CDH6: variants seen among roughly 807,000 people sequenced by gnomAD.
CDH6 encodes the protein cadherin-6.
Under a neutral mutation model 78.0 loss-of-function variants are expected in CDH6, and 31 were observed. The ratio of observed to expected loss-of-function variants is 0.40; its 90% confidence interval spans 0.30 to 0.54. CDH6 has a LOEUF of 0.54. CDH6 is among the 20% of genes least tolerant of loss of function. The pLI, the probability that CDH6 is intolerant of heterozygous loss-of-function variation, is 0.56. For missense variants in CDH6, 724 were observed against 975.9 expected (o/e 0.74, Z 3.44); for synonymous variants, 376 against 368.8 (o/e 1.02, Z -0.23).
At chr5:31,213,590 A>G (rs1283802348) in intron 1 of CDH6, among the ~76,000 whole-genome samples, 2 of 152,188 alleles carry the variant, frequency 1.3e-5, no homozygotes, top group African/African-American at 4.8e-5. Flanking sequence ...TGTCTTTTTA[A>G]CAGCCTCTAA....
chr5:31,194,858 T>C (rs951546319), intron 1 of CDH6, among the ~76,000 whole-genome samples: 18 of 152,124 alleles, frequency 1.2e-4, no homozygotes, highest in Admixed American at 1.1e-3. Context: ...AGTTAGATAT[T>C]CTGTCATGAG....
At chr5:31,239,591 A>T (rs186943239) in intron 1 of CDH6, among the ~76,000 whole-genome samples, 1 of 152,370 alleles carries the variant, frequency 6.6e-6, no homozygotes. Flanking sequence ...AGTGGCTAAT[A>T]AAAGCAACTG....
rs763482229 is a variant in CDH6 at position 31,313,376 on chromosome 5, G to C, written c.1312G>C (p.Gly438Arg). The C allele has an allele frequency of 6.2e-7, 1 of 1,613,784 alleles. No individual in the cohort carries two copies. The highest frequency in any genetic ancestry group is 1.1e-5 in the South Asian group (1 of 91,068). ...DRIFNIDSGN[G>R]SIFTSKLLDR... is the part of the protein sequence containing the mutation. ...AATATTCAACATTGATTCTGGAAAT[G>C]GTTCGATTTTTACATCGAAACTTCT... Residue 438 changes from glycine (G) to arginine (R), a missense_variant, in exon 8 of 12, where the codon GGT becomes CGT. This residue lies in a region of CDH6 where 446 missense variants were observed against 684.5 expected (regional missense o/e 0.65). Coordinates refer to ENST00000265071, the MANE Select transcript of CDH6 (RefSeq NM_004932.4).
chr5:31,217,893 TA>T (rs1332346842), intron 1 of CDH6, among the ~76,000 whole-genome samples: 3 of 152,208 alleles, frequency 2.0e-5, no homozygotes, highest in African/African-American at 7.2e-5. Context: ...AAAACATTGT[TA>T]AATTGTTAAA....
chr5:31,216,678 G>T (rs1579823162), intron 1 of CDH6, among the ~76,000 whole-genome samples: 1 of 29,050 alleles, frequency 3.4e-5, no homozygotes, highest in Non-Finnish European at 7.8e-5. Flanking sequence ...AGCAAGCCCT[G>T]CCACCAAAAA....
At position 31,263,135 on chromosome 5, in the gene CDH6, TAGAA is replaced by T. The variant is rs1205022764; in HGVS notation, c.-128-4209_-128-4206del. On this transcript the variant is annotated intron_variant, in intron 1 of 11. Coordinates refer to ENST00000265071, the MANE Select transcript of CDH6 (RefSeq NM_004932.4). ...AAAAGGATTTTATTTCTTAAAGTTA[TAGAA>T]ACTAAGTGCAAGGTCGAGGTGCCAC... 5.9e-5 allele frequency among the ~76,000 whole-genome samples: 9 copies of T among 152,300 alleles called. No individual in the cohort carries two copies. The East Asian group carries it at 1.7e-3, about 29-fold the overall frequency.
intron 2 of CDH6, among the ~76,000 whole-genome samples, chr5:31,288,792 G>A (rs2149944403): frequency 6.6e-6 from 1 of 152,228 alleles, no homozygotes. Context: ...ATTTCTTAAA[G>A]AGCAACATTA....
chr5:31,217,447 C>G (rs981855226), intron 1 of CDH6, among the ~76,000 whole-genome samples: 4 of 152,088 alleles, frequency 2.6e-5, no homozygotes, highest in Non-Finnish European at 5.9e-5. Flanking sequence ...GGTTTAGTGG[C>G]CTACTAATGC....
intron 1 of CDH6, among the ~76,000 whole-genome samples, chr5:31,238,995 A>C (rs918637700): frequency 1.2e-4 from 19 of 152,376 alleles, no homozygotes; most frequent in African/African-American, 3.4e-4. Context: ...ACCAATGGCT[A>C]GAACAACCAT....
chr5:31,297,645 T>C (rs931237272), intron 4 of CDH6, among the ~76,000 whole-genome samples: 1 of 152,186 alleles, frequency 6.6e-6, no homozygotes. Flanking sequence ...TGTATTGCCT[T>C]AGTTTTCTTC....
chr5:31,311,995 A>C (rs1405222848), intron 7 of CDH6, among the ~76,000 whole-genome samples: 1 of 152,170 alleles, frequency 6.6e-6, no homozygotes, highest in Non-Finnish European at 1.5e-5. Flanking sequence ...TTGGTTTCCA[A>C]ATGCTTCTCT....
Position 31,323,044 on chromosome 5 carries a change from T to C in CDH6, c.2109T>C (p.Thr703=). Residue 703 remains threonine, a synonymous_variant, in exon 12 of 12, where the codon ACT becomes ACC. Coordinates refer to ENST00000265071, the MANE Select transcript of CDH6 (RefSeq NM_004932.4). ...VPEALFLPRR[T]PTARDNTDVR... is the part of the protein sequence containing the mutation. The stretch of plus-strand genomic sequence containing the variant: ...AAGCCCTTTTCCTACCCCGACGGAC[T>C]CCAACAGCTCGCGACAACACCGATG... The C allele has an allele frequency of 3.1e-6, 5 of 1,614,066 alleles. No homozygotes were observed. The highest frequency in any genetic ancestry group is 4.2e-6 in the Non-Finnish European group (5 of 1,179,998).
chr5:31,305,005 T>C (rs566979877), intron 6 of CDH6, among the ~76,000 whole-genome samples, 169 bp from the exon 7 acceptor site: 1 of 152,262 alleles, frequency 6.6e-6, no homozygotes, highest in East Asian at 1.9e-4. Context: ...AGAAAAAAAA[T>C]TACATCTTAT....
At chr5:31,238,247 A>T (rs1741503740) in intron 1 of CDH6, among the ~76,000 whole-genome samples, 1 of 152,198 alleles carries the variant, frequency 6.6e-6, no homozygotes, top group South Asian at 2.1e-4. Context: ...ATCAAATTCT[A>T]TTGTGCATTT....
Position 31,316,160 on chromosome 5 carries a change from G to A in CDH6, c.1391-48G>A, listed in dbSNP as rs765388233. On this transcript the variant is annotated intron_variant, in intron 8 of 11. Coordinates refer to ENST00000265071, the MANE Select transcript of CDH6 (RefSeq NM_004932.4). ...GAGCGGATGTTGTCTAAAGGGAATC[G>A]GCAATCAACATGTAAATGCCTTTTT... is the stretch of plus-strand genomic sequence containing the variant. 1.6e-5 allele frequency: 25 copies of A among 1,574,748 alleles called. No homozygotes were observed. In the East Asian group the frequency reaches 1.8e-4, roughly 11 times the overall value.
At position 31,294,141 on chromosome 5, in the gene CDH6, G is replaced by C; in HGVS notation, c.408G>C (p.Gly136=). The part of the protein sequence containing the change: ...LRAQAINRRT[G]RPVEPESEFI... ...CTCAAGCTATAAACAGAAGGACAGG[G>C]AGACCCGTGGAGCCCGAGTCTGAAT... Residue 136 remains glycine, a synonymous_variant, in exon 3 of 12, where the codon GGG becomes GGC. Transcript: ENST00000265071. This position sits in a 1 kb window ranked among gnomAD's most constrained non-coding sequence, Gnocchi z 4.1. 1 of 1,613,776 alleles carries C rather than the reference G, an allele frequency of 6.2e-7. No individual in the cohort carries two copies. Among genetic ancestry groups the C allele is most frequent in the Non-Finnish European group, 8.5e-7 (1 of 1,179,900 alleles).
chr5:31,320,446 C>T (rs777661223), intron 11 of CDH6, among the ~76,000 whole-genome samples: 2 of 152,126 alleles, frequency 1.3e-5, no homozygotes, highest in Non-Finnish European at 2.9e-5. Context: ...CCTTGCCTTA[C>T]GTGACTGAAT....
chr5:31,292,431 G>A (rs1313400008), intron 2 of CDH6, among the ~76,000 whole-genome samples: 1 of 152,082 alleles, frequency 6.6e-6, no homozygotes, highest in Non-Finnish European at 1.5e-5. Context: ...GACTAGGTTG[G>A]ATTATTTTTA....
chr5:31,282,670 C>T (rs1322636410), intron 2 of CDH6, among the ~76,000 whole-genome samples: 2 of 152,162 alleles, frequency 1.3e-5, no homozygotes, highest in Non-Finnish European at 2.9e-5. Flanking sequence ...CCTACTACCA[C>T]TATTATCACT....
Sources: gnomAD v4.1 joint callset for allele counts (sites outside exome capture counted in the v4.1 genomes callset) on GRCh38, gnomAD v4.1.1 for gene constraint, gnomAD v4.1.1 regional missense constraint, Gnocchi (gnomAD v3.1) non-coding constraint, MANE v1.5 for transcripts, NCBI Gene and HGNC (gene_info 2026-07-23, HGNC 2026-07-21) for gene names.